The following PCNX2 variants were observed in gnomAD, a reference collection of about 807,000 sequenced individuals.
PCNX2 encodes pecanex 2.
Under a neutral mutation model 223.8 loss-of-function variants are expected in PCNX2, and 168 were observed. That is an observed-to-expected ratio of 0.75 (90% CI 0.66 to 0.85). PCNX2 has a LOEUF of 0.85. PCNX2 is among the 40% of genes least tolerant of loss of function. The pLI is 0.00. For synonymous variants in PCNX2, 1,006 were observed against 1,052.6 expected (o/e 0.96, Z 0.86); for missense variants, 2,507 against 2,675.5 (o/e 0.94, Z 1.39).
the PCNX2 span, among the ~76,000 whole-genome samples, chr1:233,304,095 G>A: frequency 1.3e-5 from 2 of 151,964 alleles, no homozygotes; most frequent in Non-Finnish European, 2.9e-5. Flanking sequence ...AATTTTACTA[G>A]CTTAAAAGTC....
chr1:232,999,452 CTTT>C (rs61543110), intron 30 of PCNX2, 73 bp from the exon 31 acceptor site: 11,778 of 1,149,400 alleles, frequency 0.01, no homozygotes, highest in Middle Eastern at 0.012. Context: ...TTTTCTTTTT[CTTT>C]TTTTTTTTTT....
chr1:233,139,709 C>T lies in PCNX2; in HGVS notation c.3659+5G>A. The T allele has an allele frequency of 6.3e-7, 1 of 1,593,168 alleles. No individual in the cohort carries two copies. The highest frequency in any genetic ancestry group is 8.6e-7 in the Non-Finnish European group (1 of 1,168,994). ...CATTATGAAGATAAACCATTAACCA[C>T]TTACTGGGTACCAAGTCTCCGGTGA... On this transcript the variant is annotated splice_donor_5th_base_variant and intron_variant, in intron 20 of 33. Transcript: ENST00000258229. This position sits in a 1 kb window ranked among gnomAD's most constrained non-coding sequence, Gnocchi z 4.4.
the PCNX2 span, among the ~76,000 whole-genome samples, chr1:233,315,815 T>TA: frequency 1.4e-4 from 22 of 151,954 alleles, no homozygotes; most frequent in Middle Eastern, 3.4e-3. Flanking sequence ...TAACCTTTTT[T>TA]TAAAAAAAAA....
chr1:233,269,701 C>T (rs1182688344), intron 1 of PCNX2, among the ~76,000 whole-genome samples: 1 of 152,104 alleles, frequency 6.6e-6, no homozygotes, highest in Non-Finnish European at 1.5e-5. Context: ...GAATATGTGG[C>T]CTAATAAATG....
intron 23 of PCNX2, chr1:233,058,100 G>C: frequency 1.0e-6 from 1 of 961,350 alleles, no homozygotes. Flanking sequence ...ACTAGAACCA[G>C]CTTTGAACCT....
At chr1:233,046,241 C>G (rs577420131) in intron 25 of PCNX2, among the ~76,000 whole-genome samples, 10 of 152,276 alleles carry the variant, frequency 6.6e-5, no homozygotes, top group Admixed American at 6.5e-4. Context: ...TTGACTGCCT[C>G]AGGTTGGGGT....
At chr1:233,015,427 G>A (rs1463437233) in intron 27 of PCNX2, among the ~76,000 whole-genome samples, 2 of 152,176 alleles carry the variant, frequency 1.3e-5, no homozygotes, top group African/African-American at 2.4e-5. Context: ...GGCCGGGCGC[G>A]GTGGCTCACG....
rs374842889 is a variant in PCNX2, at chr1:233,242,358, GC to G, written c.2223-5379del. Among the ~76,000 whole-genome samples the G allele has an allele frequency of 7.5e-3, 1,135 of 152,172 alleles. 8 individuals carry two copies. The highest frequency in any genetic ancestry group is 0.025 in the African/African-American group (1,056 of 41,524). On this transcript the variant is annotated intron_variant, in intron 8 of 33. Coordinates refer to ENST00000258229, the MANE Select transcript of PCNX2 (RefSeq NM_014801.4). ...TATAAAAATCCCCCAAAAAAGTACT[GC>G]AAACAAATTTGCTACAGAATGACTC...
At chr1:233,106,180 G>A (rs1218239413) in intron 21 of PCNX2, among the ~76,000 whole-genome samples, 1 of 152,128 alleles carries the variant, frequency 6.6e-6, no homozygotes, top group Non-Finnish European at 1.5e-5. Context: ...CACACACTCT[G>A]TCTTCCTTTA....
At chr1:233,108,937 T>A (rs576289573) in intron 21 of PCNX2, among the ~76,000 whole-genome samples, 14 of 152,084 alleles carry the variant, frequency 9.2e-5, no homozygotes, top group South Asian at 2.1e-4. Flanking sequence ...GTAAAACATA[T>A]ACCAATGGGA....
At position 233,258,023 on chromosome 1, in the gene PCNX2, C is replaced by A; in HGVS notation, c.1834+5G>T. ...CATCAGAACGGAAATGACATGGAAT[C>A]GCACCTCGGAGAAGCCCACTTTCTT... On this transcript the variant is annotated splice_donor_5th_base_variant and intron_variant, in intron 5 of 33. Transcript: ENST00000258229. 12 of 1,607,868 alleles carry A rather than the reference C, an allele frequency of 7.5e-6. No homozygotes were observed. The highest frequency in any genetic ancestry group is 9.4e-6 in the Non-Finnish European group (11 of 1,175,282).
intron 23 of PCNX2, among the ~76,000 whole-genome samples, chr1:233,083,142 C>T (rs1213003161): frequency 6.6e-6 from 1 of 152,176 alleles, no homozygotes; most frequent in Non-Finnish European, 1.5e-5. Context: ...ATAGGTCCTT[C>T]TACTGAGAAC....
chr1:233,004,894 C>A (rs1421320532), intron 28 of PCNX2, among the ~76,000 whole-genome samples: 1 of 152,118 alleles, frequency 6.6e-6, no homozygotes, highest in African/African-American at 2.4e-5. Context: ...GTGCTGTGGC[C>A]TAGAGGAGCC....
At chr1:233,247,877 C>CAA (rs57333423) in intron 8 of PCNX2, among the ~76,000 whole-genome samples, 1,575 of 119,506 alleles carry the variant, frequency 0.013, 47 homozygotes, top group African/African-American at 0.042. Flanking sequence ...AACTCCGTCT[C>CAA]AAAAAAAAAA....
Position 233,208,517 on chromosome 1 carries a change from C to T in PCNX2, c.2863+1G>A. ...TCCCCACAACCCCATAATTAACTCA[C>T]CTATTAAGTAGTCCCTAGCTGATTG... is the stretch of plus-strand genomic sequence containing the variant. On this transcript the variant is annotated splice_donor_variant, in intron 13 of 33. Coordinates refer to ENST00000258229, the MANE Select transcript of PCNX2 (RefSeq NM_014801.4). LOFTEE classifies it high-confidence loss of function. 6.2e-7 allele frequency: 1 copy of T among 1,611,482 alleles called. No individual in the cohort carries two copies. The highest frequency in any genetic ancestry group is 1.1e-5 in the South Asian group (1 of 90,836).
chr1:233,087,166 G>A (rs967115409), intron 23 of PCNX2: 73 of 985,240 alleles, frequency 7.4e-5, no homozygotes, highest in Non-Finnish European at 8.6e-5. Flanking sequence ...AAATGGTTTT[G>A]TTACACTGCA....
chr1:233,079,790 C>T (rs914133657), intron 23 of PCNX2, among the ~76,000 whole-genome samples: 6 of 152,228 alleles, frequency 3.9e-5, no homozygotes, highest in South Asian at 4.2e-4. Flanking sequence ...CAGGACAGTT[C>T]TTGCTTTGTG....
chr1:233,275,463 A>C (rs1171869545), intron 1 of PCNX2, among the ~76,000 whole-genome samples: 2 of 152,022 alleles, frequency 1.3e-5, no homozygotes. Flanking sequence ...TCGGCCTCCC[A>C]AAGTGCTAGG....
intron 23 of PCNX2, among the ~76,000 whole-genome samples, chr1:233,067,365 CAAAAAAAAAA>C (rs750823791): frequency 2.1e-3 from 8 of 3,890 alleles, no homozygotes; most frequent in East Asian, 8.8e-3. Context: ...AGAGCTTCAG[CAAAAAAAAAA>C]AAAAAAAAAA....
Sources: gnomAD v4.1 joint callset for allele counts (sites outside exome capture counted in the v4.1 genomes callset) on GRCh38, gnomAD v4.1.1 for gene constraint, Gnocchi (gnomAD v3.1) non-coding constraint, MANE v1.5 for transcripts, NCBI Gene and HGNC (gene_info 2026-07-23, HGNC 2026-07-21) for gene names.